BCKDK: variants seen among roughly 807,000 people sequenced by gnomAD.
BCKDK encodes the protein branched chain keto acid dehydrogenase kinase.
In BCKDK, 28 loss-of-function variants were observed where a neutral mutation model predicts 43.9. The ratio of observed to expected loss-of-function variants is 0.64; its 90% CI spans 0.47 to 0.87. BCKDK has a LOEUF of 0.87. BCKDK is among the 40% of genes least tolerant of loss of function. The pLI is 0.00. For synonymous variants in BCKDK, 257 were observed against 234.3 expected (o/e 1.10, Z -0.88); for missense variants, 483 against 581.4 (o/e 0.83, Z 1.74).
At position 31,110,421 on chromosome 16, in the gene BCKDK, C is replaced by T; in HGVS notation, c.564C>T (p.Tyr188=). Residue 188 remains tyrosine (Y), a synonymous_variant, in exon 7 of 12, where the codon TAC becomes TAT. Transcript: ENST00000219794. The surrounding 1 kb of genome is among the most constrained non-coding windows in gnomAD (Gnocchi z 5.4). ...TACAGGATGAAAAGCTCGTCCGCTACTTCTTGGACAAGACGCTGACTTCGA... is the reference window on the plus strand; with the variant it reads ...TACAGGATGAAAAGCTCGTCCGCTATTTCTTGGACAAGACGCTGACTTCGA... The part of the protein sequence containing the change: ...KHIEDEKLVR[Y]FLDKTLTSRL... The T allele has an allele frequency of 6.2e-7, 1 of 1,613,962 alleles. No homozygotes were observed. Among genetic ancestry groups the T allele is most frequent in the Non-Finnish European group, 8.5e-7 (1 of 1,180,020 alleles).
intron 10 of BCKDK, 97 bp downstream of exon 10, chr16:31,111,486 T>C (rs938450372): frequency 1.6e-5 from 21 of 1,348,516 alleles, no homozygotes; most frequent in Admixed American, 9.0e-5. Context: ...TCCTGCCCCA[T>C]TCTGGGACTT....
chr16:31,114,181 T>C (rs1847745585), downstream of BCKDK, among the ~76,000 whole-genome samples: 2 of 151,768 alleles, frequency 1.3e-5, no homozygotes, highest in Admixed American at 1.3e-4. Flanking sequence ...AGCACCTACA[T>C]TGTTTTTTTG....
At position 31,109,410 on chromosome 16, in the gene BCKDK, G is replaced by T; in HGVS notation, c.187G>T (p.Ala63Ser). The change falls in exon 2 of 12, where the codon GCG becomes TCG. Residue 63 changes from alanine to serine, a missense_variant. Coordinates refer to ENST00000219794, the MANE Select transcript of BCKDK (RefSeq NM_005881.4). This position sits in a 1 kb window ranked among gnomAD's most constrained non-coding sequence, Gnocchi z 5.3. ...FYNQSAIDAAAEKPSVRLTPT... is the reference protein window; with the variant it reads ...FYNQSAIDAASEKPSVRLTPT... ...CAACCAGTCGGCCATCGACGCGGCA[G>T]CGGAGAAGGTGCGCAAGGGGGCAGC... 4 of 1,609,560 alleles carry T rather than the reference G, an allele frequency of 2.5e-6. No individual in the cohort carries two copies. The highest frequency in any genetic ancestry group is 3.4e-6 in the Non-Finnish European group (4 of 1,177,040).
rs201614853 is a variant in BCKDK, at chr16:31,112,130, C to T, written c.1104C>T (p.Phe368=). 225 of 1,609,752 alleles carry T rather than the reference C, an allele frequency of 1.4e-4. No individual in the cohort carries two copies. Among genetic ancestry groups the T allele is most frequent in the East Asian group, 2.2e-4 (10 of 44,788 alleles). The change falls in exon 12 of 12, where the codon TTC becomes TTT. Residue 368 remains phenylalanine, a synonymous_variant. Coordinates refer to ENST00000219794, the MANE Select transcript of BCKDK (RefSeq NM_005881.4). The surrounding 1 kb of genome is among the most constrained non-coding windows in gnomAD (Gnocchi z 5.0). ...AQSGPMHGFG[F]GLPTSRAYAE... is the part of the protein sequence containing the mutation. ...CCCTGCCCACCCCCAGCTTTGGCTT[C>T]GGGTTGCCCACGTCACGGGCCTACG...
At chr16:31,114,185 T>C (rs1470355843), downstream of BCKDK, among the ~76,000 whole-genome samples, 1 of 151,272 alleles carries the variant, frequency 6.6e-6, no homozygotes, top group Non-Finnish European at 1.5e-5. Flanking sequence ...CCTACATTGT[T>C]TTTTTGTTTG....
downstream of BCKDK, chr16:31,115,978 C>T (rs1343028865): frequency 1.3e-5 from 2 of 152,216 alleles, no homozygotes; most frequent in South Asian, 2.1e-4. Context: ...GTGGCGTGAT[C>T]TCAGCTCACT....
Position 31,109,229 on chromosome 16 carries a change from C to T in BCKDK, c.6C>T (p.Ile2=), listed in dbSNP as rs1411016243. Residue 2 remains isoleucine, a synonymous_variant, in exon 2 of 12, where the codon ATC becomes ATT. Coordinates refer to ENST00000219794, the MANE Select transcript of BCKDK (RefSeq NM_005881.4). This position sits in a 1 kb window ranked among gnomAD's most constrained non-coding sequence, Gnocchi z 5.3. M[I]LASVLRSGPG... Reference sequence around the variant, plus strand: ...GGTCTGAAAGGAGCAAGACGATGATCCTGGCGTCGGTGCTGAGGAGCGGTC... The same window carrying T: ...GGTCTGAAAGGAGCAAGACGATGATTCTGGCGTCGGTGCTGAGGAGCGGTC... The T allele has an allele frequency of 6.6e-7, 1 of 1,515,116 alleles. No individual in the cohort carries two copies. The allele number at this position is 1,515,116 out of a possible 1,614,324, so 93.9% of individuals were successfully genotyped here.
Position 31,109,229 on chromosome 16 carries a change from C to A in BCKDK, c.6C>A (p.Ile2=). The A allele has an allele frequency of 6.6e-7, 1 of 1,515,234 alleles. No individual in the cohort carries two copies. The highest frequency in any genetic ancestry group is 8.8e-7 in the Non-Finnish European group (1 of 1,134,996). 93.9% of individuals were successfully genotyped at this position (1,515,234 alleles called of 1,614,324 possible). Residue 2 remains isoleucine, a synonymous_variant, in exon 2 of 12, where the codon ATC becomes ATA. Transcript: ENST00000219794. This position sits in a 1 kb window ranked among gnomAD's most constrained non-coding sequence, Gnocchi z 5.3. ...GGTCTGAAAGGAGCAAGACGATGAT[C>A]CTGGCGTCGGTGCTGAGGAGCGGTC... M[I]LASVLRSGPG...
At chr16:31,113,777 G>A (rs1179722901), downstream of BCKDK, among the ~76,000 whole-genome samples, 2 of 152,162 alleles carry the variant, frequency 1.3e-5, no homozygotes, top group Non-Finnish European at 2.9e-5. Flanking sequence ...GCTGGCCCAT[G>A]AGTGGGTTTT....
Position 31,111,336 on chromosome 16 carries a change from T to C in BCKDK, c.882T>C (p.Asn294=), listed in dbSNP as rs1355817384. 3.1e-6 allele frequency: 5 copies of C among 1,614,144 alleles called. No homozygotes were observed. The highest frequency in any genetic ancestry group is 4.2e-6 in the Non-Finnish European group (5 of 1,180,012). Residue 294 remains asparagine, a synonymous_variant, in exon 10 of 12, where the codon AAT becomes AAC. Transcript: ENST00000219794. ...TMESHLDTPY[N]VPDVVITIAN... is the part of the protein sequence containing the mutation. ...AGAGTCACCTAGACACTCCCTACAA[T>C]GTCCCAGATGTGGTCATCACCATCG...
chr16:31,112,591 G>C lies in BCKDK; in HGVS notation c.*326G>C. 3 of 444,060 alleles carry C rather than the reference G, an allele frequency of 6.8e-6. 1 individual carries two copies. The highest frequency in any genetic ancestry group is 6.2e-5 in the South Asian group (3 of 48,486). The allele number at this position is 444,060 out of a possible 1,614,324, so 27.5% of individuals were successfully genotyped here. ...CCTCTCGGGCCCCGTGTGTGGGGAG[G>C]GCAGGTGAACTTTTGTTTCTGCCCC... On this transcript the variant is annotated 3_prime_UTR_variant, in exon 12 of 12. Coordinates refer to ENST00000219794, the MANE Select transcript of BCKDK (RefSeq NM_005881.4). The surrounding 1 kb of genome is among the most constrained non-coding windows in gnomAD (Gnocchi z 5.0).
downstream of BCKDK, among the ~76,000 whole-genome samples, chr16:31,115,174 C>T (rs542576684): frequency 7.3e-5 from 11 of 151,516 alleles, no homozygotes; most frequent in South Asian, 2.1e-4. Flanking sequence ...CCACCTGCTT[C>T]GGCCTCCCAA....
rs1002772744 is a variant in BCKDK, at chr16:31,110,862, T to C, written c.716+101T>C. On this transcript the variant is annotated intron_variant, in intron 8 of 11. Coordinates refer to ENST00000219794, the MANE Select transcript of BCKDK (RefSeq NM_005881.4). The surrounding 1 kb of genome is among the most constrained non-coding windows in gnomAD (Gnocchi z 5.4). ...CATGATCTGCGGGGAGCAGGGTTTC[T>C]CAACCATGGCACTATTGACATTTCC... 2.1e-6 allele frequency: 3 copies of C among 1,450,530 alleles called. No homozygotes were observed. Among genetic ancestry groups the C allele is most frequent in the Non-Finnish European group, 2.9e-6 (3 of 1,038,754 alleles). The allele number at this position is 1,450,530 out of a possible 1,614,324, so 89.9% of individuals were successfully genotyped here.
In BCKDK at chr16:31,112,444, C is replaced by T; in HGVS notation, c.*179C>T. 9.8e-7 allele frequency: 1 copy of T among 1,022,288 alleles called. No homozygotes were observed. The highest frequency in any genetic ancestry group is 1.4e-5 in the South Asian group (1 of 72,768). 63.3% of individuals were successfully genotyped at this position (1,022,288 alleles called of 1,614,324 possible). A position where few individuals can be genotyped will look rare whatever the true frequency, so the allele number is the denominator to read the frequency against. On this transcript the variant is annotated 3_prime_UTR_variant, in exon 12 of 12. Coordinates refer to ENST00000219794, the MANE Select transcript of BCKDK (RefSeq NM_005881.4). The surrounding 1 kb of genome is among the most constrained non-coding windows in gnomAD (Gnocchi z 5.0). ...CCTGCCTCAACAGGGTCCATTGCCT[C>T]CTCGCCTCCAGAACTTGGAGCAGGG...
chr16:31,109,794 G>A lies in BCKDK; in HGVS notation c.375+11G>A, dbSNP rs1169727969. On this transcript the variant is annotated intron_variant, in intron 4 of 11. Transcript: ENST00000219794. The surrounding 1 kb of genome is among the most constrained non-coding windows in gnomAD (Gnocchi z 5.3). ...ACCATACTGCACGTGGTAAGGTAGA[G>A]AGGACCTTAGGTCAGCGGGCCACCC... 1.2e-6 allele frequency: 2 copies of A among 1,612,372 alleles called. No homozygotes were observed. The highest frequency in any genetic ancestry group is 2.7e-5 in the African/African-American group (2 of 74,906).
At position 31,109,437 on chromosome 16, in the gene BCKDK, A is replaced by C; in HGVS notation, c.195+19A>C. 6.2e-7 allele frequency: 1 copy of C among 1,612,234 alleles called. No homozygotes were observed. Among genetic ancestry groups the C allele is most frequent in the Admixed American group, 1.7e-5 (1 of 59,914 alleles). On this transcript the variant is annotated intron_variant, in intron 2 of 11. Coordinates refer to ENST00000219794, the MANE Select transcript of BCKDK (RefSeq NM_005881.4). The surrounding 1 kb of genome is among the most constrained non-coding windows in gnomAD (Gnocchi z 5.3). ...GGAGAAGGTGCGCAAGGGGGCAGCC[A>C]GCCCAGGGTCCGGGATGTAGGCGGG...
At position 31,110,134 on chromosome 16, in the gene BCKDK, G is replaced by A. The variant is rs754662664; in HGVS notation, c.423+10G>A. 1.2e-6 allele frequency: 2 copies of A among 1,614,164 alleles called. No individual in the cohort carries two copies. Among genetic ancestry groups the A allele is most frequent in the African/African-American group, 1.3e-5 (1 of 75,022 alleles). ...GACAGACTTCCCTCCGGTGAGTGCT[G>A]GGCCAGAGCAGGGTGAGGGGCTGAG... On this transcript the variant is annotated intron_variant, in intron 5 of 11. Coordinates refer to ENST00000219794, the MANE Select transcript of BCKDK (RefSeq NM_005881.4). The surrounding 1 kb of genome is among the most constrained non-coding windows in gnomAD (Gnocchi z 5.4).
downstream of BCKDK, chr16:31,117,506 T>C (rs2057455776): frequency 2.2e-6 from 1 of 456,854 alleles, no homozygotes; most frequent in Non-Finnish European, 3.7e-6. Context: ...GCTCCAAGAC[T>C]GCCGCACACT....
chr16:31,117,608 C>G (rs2057456555), downstream of BCKDK: 2 of 1,209,112 alleles, frequency 1.7e-6, no homozygotes, highest in Non-Finnish European at 2.1e-6. Context: ...TTGAGGAGCC[C>G]GCCCCACGCA....
Sources: allele counts gnomAD v4.1 joint callset (sites outside exome capture counted in the v4.1 genomes callset), GRCh38; gene constraint gnomAD v4.1.1; non-coding constraint Gnocchi (gnomAD v3.1); transcripts MANE v1.5; gene names NCBI Gene and HGNC (gene_info 2026-07-23, HGNC 2026-07-21).